The following OSBPL3 variants were observed in gnomAD, a reference collection of about 807,000 sequenced individuals.
OSBPL3 encodes the protein oxysterol-binding protein-related protein 3.
A neutral mutation model predicts 120.1 loss-of-function variants in OSBPL3; 65 were observed. The observed-to-expected ratio is 0.54, with a 90% confidence interval of 0.44 to 0.67. The LOEUF is 0.67. Among genes scored for constraint, OSBPL3 ranks in the 30% least tolerant of loss-of-function variants. The pLI is 0.00. For synonymous variants in OSBPL3, 416 were observed against 402.6 expected (o/e 1.03, Z -0.40); for missense variants, 1,004 against 1,082.1 (o/e 0.93, Z 1.01).
chr7:24,948,315 A>G (rs2128493300), intron 1 of OSBPL3, among the ~76,000 whole-genome samples: 1 of 152,352 alleles, frequency 6.6e-6, no homozygotes, highest in South Asian at 2.1e-4. Context: ...AAAAGAATTA[A>G]ACTTTTCTAT....
intron 16 of OSBPL3, among the ~76,000 whole-genome samples, chr7:24,828,606 G>GAAGAAAA (rs1554349905): frequency 6.1e-5 from 2 of 32,550 alleles, no homozygotes; most frequent in African/African-American, 1.6e-4. Flanking sequence ...GACTCTGTCT[G>GAAGAAAA]AAAAAAAAAA....
rs1483187893 is a variant in OSBPL3, at chr7:24,913,492, A to T, written c.-149-20871T>A. The stretch of plus-strand genomic sequence containing the variant: ...ACCAACAAACCCTGACTCCCTTATA[A>T]AGTCACTTACAAGAAGCAGACACGG... On this transcript the variant is annotated intron_variant, in intron 1 of 22. Coordinates refer to ENST00000313367, the MANE Select transcript of OSBPL3 (RefSeq NM_015550.4). This position sits in a 1 kb window ranked among gnomAD's most constrained non-coding sequence, Gnocchi z 5.3. Among the ~76,000 whole-genome samples, 1 of 152,112 alleles carries T rather than the reference A, an allele frequency of 6.6e-6. No homozygotes were observed. The highest frequency in any genetic ancestry group is 1.5e-5 in the Non-Finnish European group (1 of 68,012).
In OSBPL3 at chr7:24,842,164, C is replaced by T; in HGVS notation, c.1401+115G>A. The T allele has an allele frequency of 7.4e-6, 8 of 1,081,188 alleles. No homozygotes were observed. In the South Asian group the frequency reaches 1.1e-4, roughly 15 times the overall value. 67.0% of individuals were successfully genotyped at this position (1,081,188 alleles called of 1,614,324 possible). ...TGGGAGAACTCTCAGAACATAATGA[C>T]TACAAAGGGCAACTGAGTTTAGTGT... is the stretch of plus-strand genomic sequence containing the variant. On this transcript the variant is annotated intron_variant, in intron 13 of 22. Transcript: ENST00000313367.
intron 1 of OSBPL3, among the ~76,000 whole-genome samples, chr7:24,950,253 AACAC>A (rs139948492): frequency 6.6e-6 from 1 of 151,760 alleles, no homozygotes; most frequent in Non-Finnish European, 1.5e-5. Context: ...AATACACACA[AACAC>A]ACACACACAC....
rs943605738 is a variant in OSBPL3, at chr7:24,922,645, C to T, written c.-149-30024G>A. On this transcript the variant is annotated intron_variant, in intron 1 of 22. Coordinates refer to ENST00000313367, the MANE Select transcript of OSBPL3 (RefSeq NM_015550.4). The surrounding 1 kb of genome is among the most constrained non-coding windows in gnomAD (Gnocchi z 4.3). ...CCCTCTTCTTGTTCTCCTGTGACTT[C>T]CACAGACCTGCCAGCTCTGCCCTGG... Among the ~76,000 whole-genome samples the T allele has an allele frequency of 2.0e-5, 3 of 152,226 alleles. No homozygotes were observed. The highest frequency in any genetic ancestry group is 7.2e-5 in the African/African-American group (3 of 41,458).
chr7:24,911,346 C>T lies in OSBPL3; in HGVS notation c.-149-18725G>A, dbSNP rs574293415. Among the ~76,000 whole-genome samples the T allele has an allele frequency of 6.6e-5, 10 of 152,308 alleles. No individual in the cohort carries two copies. In the South Asian group the frequency reaches 2.1e-3, roughly 32 times the overall value. On this transcript the variant is annotated intron_variant, in intron 1 of 22. Coordinates refer to ENST00000313367, the MANE Select transcript of OSBPL3 (RefSeq NM_015550.4). Reference sequence around the variant, plus strand: ...GTAGAGTTTTAACAATTGGCAACCACAGGCAGCATTTCATTACTTATCTAA... The same window carrying T: ...GTAGAGTTTTAACAATTGGCAACCATAGGCAGCATTTCATTACTTATCTAA...
chr7:24,861,684 T>A lies in OSBPL3; in HGVS notation c.956A>T (p.Tyr319Phe). Residue 319 changes from tyrosine to phenylalanine, a missense_variant, in exon 10 of 23, where the codon TAT becomes TTT. Coordinates refer to ENST00000313367, the MANE Select transcript of OSBPL3 (RefSeq NM_015550.4). The part of the protein sequence containing the change: ...STLDFGEEKN[Y>F]SDGSETSSEF... ...TGATGAGGTTTCAGAGCCATCAGAATAATTTTTCTCTTCTCCAAAATCTAG... is the reference window on the plus strand; with the variant it reads ...TGATGAGGTTTCAGAGCCATCAGAAAAATTTTTCTCTTCTCCAAAATCTAG... 7 of 1,611,990 alleles carry A rather than the reference T, an allele frequency of 4.3e-6. No homozygotes were observed. The highest frequency in any genetic ancestry group is 5.9e-6 in the Non-Finnish European group (7 of 1,178,328).
chr7:24,799,963 G>A lies in OSBPL3; in HGVS notation c.*220C>T, dbSNP rs1348704521. 4.0e-6 allele frequency: 1 copy of A among 252,610 alleles called. No individual in the cohort carries two copies. The highest frequency in any genetic ancestry group is 7.5e-6 in the Non-Finnish European group (1 of 133,574). 15.6% of individuals were successfully genotyped at this position (252,610 alleles called of 1,614,324 possible). On this transcript the variant is annotated 3_prime_UTR_variant, in exon 23 of 23. Transcript: ENST00000313367. The surrounding 1 kb of genome is among the most constrained non-coding windows in gnomAD (Gnocchi z 5.3). Reference sequence around the variant, plus strand: ...TTATTAAATAGTTTATATATAAAAAGAAATGTCAAGGTGTTCTACATTCAT... The same window carrying A: ...TTATTAAATAGTTTATATATAAAAAAAAATGTCAAGGTGTTCTACATTCAT...
At chr7:24,979,802 G>C (rs1238675012) in intron 1 of OSBPL3, 84 bp downstream of exon 1, 1 of 683,434 alleles carries the variant, frequency 1.5e-6, no homozygotes. Context: ...GCGGCGCCCC[G>C]CAAACAGCAG....
At chr7:24,848,988 GGA>G in intron 12 of OSBPL3, 79 bp downstream of exon 12, 1 of 937,394 alleles carries the variant, frequency 1.1e-6, no homozygotes, top group Non-Finnish European at 1.7e-6. Context: ...GGGGAAGCAG[GGA>G]GGTCGTGCAA....
At position 24,955,478 on chromosome 7, in the gene OSBPL3, G is replaced by T. The variant is rs1814931694; in HGVS notation, c.-150+24408C>A. Among the ~76,000 whole-genome samples, 1 of 152,202 alleles carries T rather than the reference G, an allele frequency of 6.6e-6. No homozygotes were observed. Among genetic ancestry groups the T allele is most frequent in the Non-Finnish European group, 1.5e-5 (1 of 68,028 alleles). On this transcript the variant is annotated intron_variant, in intron 1 of 22. Coordinates refer to ENST00000313367, the MANE Select transcript of OSBPL3 (RefSeq NM_015550.4). This position sits in a 1 kb window ranked among gnomAD's most constrained non-coding sequence, Gnocchi z 4.3. ...TAGTGATTCTCCCTGGCTGTTCTGTGGAGGAGAGGCTACTGGGGTGGCCTC... is the reference window on the plus strand; with the variant it reads ...TAGTGATTCTCCCTGGCTGTTCTGTTGAGGAGAGGCTACTGGGGTGGCCTC...
chr7:24,858,874 G>A (rs1204096795), intron 10 of OSBPL3, among the ~76,000 whole-genome samples: 2 of 152,178 alleles, frequency 1.3e-5, no homozygotes, highest in Non-Finnish European at 2.9e-5. Flanking sequence ...TTTCCTCTGT[G>A]TAGGGAGGCA....
intron 1 of OSBPL3, among the ~76,000 whole-genome samples, chr7:24,973,783 T>C (rs1817281727): frequency 6.6e-6 from 1 of 152,218 alleles, no homozygotes; most frequent in Non-Finnish European, 1.5e-5. Context: ...AATCCTTTCA[T>C]ACCAGAGGAA....
At position 24,979,744 on chromosome 7, in the gene OSBPL3, C is replaced by G. The variant is rs958387715; in HGVS notation, c.-150+142G>C. The G allele has an allele frequency of 8.8e-6, 3 of 338,996 alleles. No individual in the cohort carries two copies. The South Asian group carries it at 3.4e-4, about 39-fold the overall frequency. 21.0% of individuals were successfully genotyped at this position (338,996 alleles called of 1,614,324 possible). ...CCCAGGCTTGGGTCTGCCCCAGGGCCGGAGCCTCCCCGGGCGACTCGGACA... is the reference window on the plus strand; with the variant it reads ...CCCAGGCTTGGGTCTGCCCCAGGGCGGGAGCCTCCCCGGGCGACTCGGACA... On this transcript the variant is annotated intron_variant, in intron 1 of 22. Coordinates refer to ENST00000313367, the MANE Select transcript of OSBPL3 (RefSeq NM_015550.4).
In OSBPL3 at chr7:24,833,908, G is replaced by A. The variant is rs544532041; in HGVS notation, c.1746+578C>T. 2.2e-4 allele frequency among the ~76,000 whole-genome samples: 34 copies of A among 152,280 alleles called. No individual in the cohort carries two copies. The highest frequency in any genetic ancestry group is 7.9e-4 in the African/African-American group (33 of 41,552). On this transcript the variant is annotated intron_variant, in intron 15 of 22. Coordinates refer to ENST00000313367, the MANE Select transcript of OSBPL3 (RefSeq NM_015550.4). The surrounding 1 kb of genome is among the most constrained non-coding windows in gnomAD (Gnocchi z 4.4). ...ATGCTGTGACTGGAGCTGATGCCCA[G>A]TAGGGAAGAGAAGGCTTTTCTACGA...
At chr7:24,921,646 G>A (rs758460818) in intron 1 of OSBPL3, among the ~76,000 whole-genome samples, 61 of 152,242 alleles carry the variant, frequency 4.0e-4, no homozygotes, top group Non-Finnish European at 7.8e-4. Flanking sequence ...ACCCTAAACT[G>A]AGGAGCAAAT....
rs1447270723 is a variant in OSBPL3, at chr7:24,818,860, G to A, written c.1948+1315C>T. 1.3e-5 allele frequency among the ~76,000 whole-genome samples: 2 copies of A among 152,158 alleles called. No individual in the cohort carries two copies. The highest frequency in any genetic ancestry group is 3.8e-4 in the East Asian group (2 of 5,198). On this transcript the variant is annotated intron_variant, in intron 17 of 22. Coordinates refer to ENST00000313367, the MANE Select transcript of OSBPL3 (RefSeq NM_015550.4). The surrounding 1 kb of genome is among the most constrained non-coding windows in gnomAD (Gnocchi z 4.0). ...TAGATTGCTCAGGAAAAGGCTGATG[G>A]GGAAGTATGGCCTAGGAGAAGGATG...
At chr7:24,875,060 T>C (rs115164278) in intron 2 of OSBPL3, among the ~76,000 whole-genome samples, 1 of 152,206 alleles carries the variant, frequency 6.6e-6, no homozygotes, top group Non-Finnish European at 1.5e-5. Flanking sequence ...GCCTCGGTCT[T>C]GCACAATGAA....
At position 24,918,503 on chromosome 7, in the gene OSBPL3, T is replaced by C. The variant is rs916923904; in HGVS notation, c.-149-25882A>G. Among the ~76,000 whole-genome samples, 3 of 152,182 alleles carry C rather than the reference T, an allele frequency of 2.0e-5. No homozygotes were observed. The highest frequency in any genetic ancestry group is 7.2e-5 in the African/African-American group (3 of 41,432). On this transcript the variant is annotated intron_variant, in intron 1 of 22. Transcript: ENST00000313367. The surrounding 1 kb of genome is among the most constrained non-coding windows in gnomAD (Gnocchi z 4.3). The stretch of plus-strand genomic sequence containing the variant: ...CAGCTGGATAAACTACTCATGAAAA[T>C]CTTGTGGAAAATACCTCATAATTAA...
Sources: gnomAD v4.1 joint callset for allele counts (sites outside exome capture counted in the v4.1 genomes callset) on GRCh38, gnomAD v4.1.1 for gene constraint, Gnocchi (gnomAD v3.1) non-coding constraint, MANE v1.5 for transcripts, NCBI Gene and HGNC (gene_info 2026-07-23, HGNC 2026-07-21) for gene names.